The following ANKMY1 variants were observed in gnomAD, a reference collection of about 807,000 sequenced individuals.
The protein encoded by ANKMY1 is ankyrin repeat and MYND domain-containing protein 1.
Under a neutral mutation model 102.0 loss-of-function variants are expected in ANKMY1, and 98 were observed. That is an observed-to-expected ratio of 0.96 (90% confidence interval 0.82 to 1.14). The LOEUF is 1.14. Among genes scored for constraint, ANKMY1 ranks in the 50% most tolerant of loss-of-function variants. ANKMY1 has a pLI of 0.00. For synonymous variants in ANKMY1, 582 were observed against 559.9 expected (o/e 1.04, Z -0.56); for missense variants, 1,330 against 1,347.6 (o/e 0.99, Z 0.20).
At chr2:240,533,690 G>A (rs1575220256) in intron 4 of ANKMY1, among the ~76,000 whole-genome samples, 2 of 150,194 alleles carry the variant, frequency 1.3e-5, no homozygotes, top group South Asian at 2.1e-4. Flanking sequence ...TAAATGACCA[G>A]TGACAATTAT....
rs150291814 is a variant in ANKMY1, at chr2:240,503,585, T to G, written c.2527-3020A>C. ...CTTTAGAAAGTTTAGTGTGAGAATA[T>G]TCAGGAGGCCTGGTGACCCCAGACC... is the stretch of plus-strand genomic sequence containing the variant. On this transcript the variant is annotated intron_variant, in intron 13 of 17. Coordinates refer to ENST00000401804, the MANE Select transcript of ANKMY1 (RefSeq NM_001282771.3). 4.6e-3 allele frequency among the ~76,000 whole-genome samples: 695 copies of G among 152,302 alleles called. 6 individuals are homozygous for G. Among genetic ancestry groups the G allele is most frequent in the African/African-American group, 0.016 (665 of 41,560 alleles).
At chr2:240,495,349 G>A (rs1045516844) in intron 15 of ANKMY1, among the ~76,000 whole-genome samples, 6 of 152,278 alleles carry the variant, frequency 3.9e-5, no homozygotes, top group Admixed American at 2.6e-4. Context: ...ACAGTTATCC[G>A]GAGGCCTAAC....
upstream of ANKMY1, chr2:240,560,819 C>T (rs1168591032): frequency 7.0e-7 from 1 of 1,434,938 alleles, no homozygotes; most frequent in South Asian, 1.4e-5. Context: ...GCGCGGGAGT[C>T]ACGCTGTGCG....
intron 15 of ANKMY1, among the ~76,000 whole-genome samples, chr2:240,489,029 C>G (rs1336026074): frequency 1.3e-5 from 2 of 152,162 alleles, no homozygotes; most frequent in African/African-American, 4.8e-5. Flanking sequence ...TGAAAGTGGG[C>G]AACCTTGTCT....
chr2:240,557,358 A>G lies in ANKMY1; in HGVS notation c.-17-6T>C, dbSNP rs2092468722. 6.7e-7 allele frequency: 1 copy of G among 1,498,038 alleles called. No individual in the cohort carries two copies. Among genetic ancestry groups the G allele is most frequent in the African/African-American group, 1.4e-5 (1 of 70,232 alleles). The allele number at this position is 1,498,038 out of a possible 1,614,324, so 92.8% of individuals were successfully genotyped here. The stretch of plus-strand genomic sequence containing the variant: ...CATGTCTGTGGTCTTCCAACCTGCA[A>G]GCGACGTCAGGACCGCACATGTGCC... On this transcript the variant is annotated splice_polypyrimidine_tract_variant and splice_region_variant and intron_variant, in intron 1 of 17. Coordinates refer to ENST00000401804, the MANE Select transcript of ANKMY1 (RefSeq NM_001282771.3).
intron 4 of ANKMY1, among the ~76,000 whole-genome samples, chr2:240,530,319 G>A (rs941813274): frequency 2.0e-5 from 3 of 151,282 alleles, no homozygotes; most frequent in Non-Finnish European, 4.4e-5. Flanking sequence ...GTACTCCCCA[G>A]TGTTGCAGTG....
At chr2:240,507,945 C>T in intron 12 of ANKMY1, 1 of 376,656 alleles carries the variant, frequency 2.7e-6, no homozygotes, top group Non-Finnish European at 4.8e-6. Context: ...CCCAGGTGGG[C>T]CAGTTCCAGC....
chr2:240,556,934 C>T lies in ANKMY1; in HGVS notation c.146+256G>A, dbSNP rs529275684. Among the ~76,000 whole-genome samples, 17 of 152,310 alleles carry T rather than the reference C, an allele frequency of 1.1e-4. No homozygotes were observed. The South Asian group carries it at 3.1e-3, about 28-fold the overall frequency. ...CCCCATCTCGTGAGGGAAACGTTCC[C>T]TCCCTCCACTAGGCGGCGACACGGG... On this transcript the variant is annotated intron_variant, in intron 2 of 17. Coordinates refer to ENST00000401804, the MANE Select transcript of ANKMY1 (RefSeq NM_001282771.3).
intron 9 of ANKMY1, among the ~76,000 whole-genome samples, chr2:240,518,341 T>C (rs912240013): frequency 1.3e-5 from 2 of 152,096 alleles, no homozygotes; most frequent in African/African-American, 4.8e-5. Context: ...CATGCCTGCC[T>C]CTGGGACCAC....
chr2:240,507,887 CGGGGAGG>C, intron 12 of ANKMY1, 196 bp from the exon 13 acceptor site: 1 of 550,418 alleles, frequency 1.8e-6, no homozygotes. Flanking sequence ...TGATGCTGGG[CGGGGAGG>C]GGTCCCATGG....
chr2:240,479,765 G>T, intron 17 of ANKMY1, 110 bp from the exon 18 acceptor site: 1 of 932,082 alleles, frequency 1.1e-6, no homozygotes, highest in Non-Finnish European at 1.7e-6. Flanking sequence ...ACTGTGCTCT[G>T]TCTAGAGCTT....
downstream of ANKMY1, among the ~76,000 whole-genome samples, chr2:240,475,243 T>C (rs1441116056): frequency 6.6e-6 from 1 of 152,186 alleles, no homozygotes; most frequent in Non-Finnish European, 1.5e-5. Flanking sequence ...GGACATGATC[T>C]CTTACATACA....
chr2:240,530,093 C>A (rs2084959951), intron 4 of ANKMY1, among the ~76,000 whole-genome samples: 1 of 152,198 alleles, frequency 6.6e-6, no homozygotes, highest in Admixed American at 6.5e-5. Flanking sequence ...AGGAACCCAG[C>A]AGCTCCCACG....
upstream of ANKMY1, chr2:240,560,091 T>A (rs1020967017): frequency 2.6e-5 from 4 of 152,394 alleles, no homozygotes; most frequent in South Asian, 2.1e-4. Flanking sequence ...AAATTAGTTT[T>A]ATTTTATGAG....
chr2:240,480,495 C>T (rs2075253521), intron 17 of ANKMY1, among the ~76,000 whole-genome samples: 1 of 152,246 alleles, frequency 6.6e-6, no homozygotes, highest in Non-Finnish European at 1.5e-5. Flanking sequence ...AGACAGACAT[C>T]TGAGACGGCA....
rs759188781 is a variant in ANKMY1, at chr2:240,512,829, G to A, written c.2118C>T (p.Asp706=). 2.2e-5 allele frequency: 36 copies of A among 1,613,922 alleles called. No individual in the cohort carries two copies. The Admixed American group carries it at 4.8e-4, about 22-fold the overall frequency. ...TGCCGGGCTTGTAAGTGTCGTCCTC[G>A]TCGGATGCCTTGGCGTCCACATCGG... The part of the protein sequence containing the change: ...AITDVDAKAS[D]EDDTYKPGKL... The change falls in exon 10 of 18, where the codon GAC becomes GAT. Residue 706 remains aspartate, a synonymous_variant. Transcript: ENST00000401804.
Position 240,520,921 on chromosome 2 carries a change from C to T in ANKMY1, c.1833-388G>A, listed in dbSNP as rs964605170. On this transcript the variant is annotated intron_variant, in intron 8 of 17. Transcript: ENST00000401804. The surrounding 1 kb of genome is among the most constrained non-coding windows in gnomAD (Gnocchi z 4.8). ...ACACCAGAGCACACAAACCACACTA[C>T]ACATACAGCACACAACCACACAAAC... 2.6e-5 allele frequency among the ~76,000 whole-genome samples: 4 copies of T among 151,196 alleles called. No individual in the cohort carries two copies. The highest frequency in any genetic ancestry group is 4.4e-5 in the Non-Finnish European group (3 of 67,816).
Position 240,524,066 on chromosome 2 carries a change from A to C in ANKMY1, c.1651T>G (p.Cys551Gly), listed in dbSNP as rs746519526. The C allele has an allele frequency of 6.2e-7, 1 of 1,614,024 alleles. No individual in the cohort carries two copies. ...VLGNTDRGSL[C>G]SAETKFESNV... ...GACTCAAATTTCGTCTCAGCACTGC[A>C]CAGACTGCCCCGGTCTGTGTTTCCC... The change falls in exon 8 of 18, where the codon TGC becomes GGC. Residue 551 changes from cysteine (C) to glycine (G), a missense_variant. Coordinates refer to ENST00000401804, the MANE Select transcript of ANKMY1 (RefSeq NM_001282771.3).
intron 15 of ANKMY1, among the ~76,000 whole-genome samples, chr2:240,489,222 G>A (rs879284442): frequency 5.9e-5 from 9 of 152,138 alleles, no homozygotes; most frequent in South Asian, 2.1e-4. Flanking sequence ...GGGAGGCCAC[G>A]GCAGGCAGAT....
Sources: gnomAD v4.1 joint callset for allele counts (sites outside exome capture counted in the v4.1 genomes callset) on GRCh38, gnomAD v4.1.1 for gene constraint, Gnocchi (gnomAD v3.1) non-coding constraint, MANE v1.5 for transcripts, NCBI Gene and HGNC (gene_info 2026-07-23, HGNC 2026-07-21) for gene names.